The following LRRIQ3 variants were observed in gnomAD, a reference collection of about 807,000 sequenced individuals.
LRRIQ3 encodes leucine rich repeats and IQ motif containing 3.
LRRIQ3 carries 75 observed loss-of-function variants against 59.3 expected under a neutral mutation model. The observed-to-expected ratio is 1.26, with a 90% confidence interval of 1.05 to 1.53. The LOEUF (loss-of-function observed/expected upper bound fraction) is 1.53. Ranked by LOEUF, LRRIQ3 falls within the 40% of genes most tolerant of loss-of-function variation. The pLI, the probability that LRRIQ3 is intolerant of heterozygous loss-of-function variation, is 0.00. For synonymous variants in LRRIQ3, 250 were observed against 231.3 expected, an observed-to-expected ratio of 1.08 and a Z score of -0.73; for missense variants, 831 against 710.0, an observed-to-expected ratio of 1.17 and a Z score of -1.94.
intron 6 of LRRIQ3, among the ~76,000 whole-genome samples, chr1:74,052,177 G>T (rs1403295874): frequency 3.3e-5 from 5 of 151,970 alleles, no homozygotes; most frequent in Non-Finnish European, 7.4e-5. Context: ...AGTTCCACCA[G>T]GACCGCGCTG....
At chr1:74,050,806 A>C (rs1654346810) in intron 6 of LRRIQ3, among the ~76,000 whole-genome samples, 1 of 152,214 alleles carries the variant, frequency 6.6e-6, no homozygotes, top group African/African-American at 2.4e-5. Context: ...TCTGTCACGT[A>C]CTGAGTTCTT....
At chr1:74,132,457 T>G (rs1403728905) in intron 4 of LRRIQ3, among the ~76,000 whole-genome samples, 1 of 152,028 alleles carries the variant, frequency 6.6e-6, no homozygotes, top group Non-Finnish European at 1.5e-5. Flanking sequence ...CTACCTGACT[T>G]CAAACTACAC....
chr1:74,054,741 T>A (rs1654471442), intron 6 of LRRIQ3, among the ~76,000 whole-genome samples: 2 of 142,100 alleles, frequency 1.4e-5, no homozygotes, highest in Admixed American at 7.1e-5. Context: ...AAAACACAAA[T>A]ATATATATAT....
chr1:74,047,347 T>C (rs1353746938), intron 6 of LRRIQ3, among the ~76,000 whole-genome samples: 1 of 151,998 alleles, frequency 6.6e-6, no homozygotes, highest in Non-Finnish European at 1.5e-5. Flanking sequence ...CAAGAATAGA[T>C]AACCAAACAC....
intron 3 of LRRIQ3, among the ~76,000 whole-genome samples, chr1:74,178,344 C>A (rs1363766166): frequency 6.6e-6 from 1 of 151,764 alleles, no homozygotes; most frequent in African/African-American, 2.4e-5. Context: ...TGGTTTTTTT[C>A]ATATAGACTG....
intron 1 of LRRIQ3, among the ~76,000 whole-genome samples, chr1:74,196,517 C>CA (rs1651143539): frequency 6.6e-6 from 1 of 152,130 alleles, no homozygotes; most frequent in African/African-American, 2.4e-5. Flanking sequence ...CATACACACA[C>CA]AAACTTCCAT....
At chr1:74,093,310 A>T (rs560571137) in intron 5 of LRRIQ3, among the ~76,000 whole-genome samples, 119 of 152,186 alleles carry the variant, frequency 7.8e-4, no homozygotes, top group African/African-American at 2.6e-3. Flanking sequence ...GGGAAAATAT[A>T]GGAGATTTTT....
intron 4 of LRRIQ3, among the ~76,000 whole-genome samples, chr1:74,129,440 T>C (rs747830685): frequency 2.0e-5 from 3 of 152,032 alleles, no homozygotes; most frequent in African/African-American, 7.2e-5. Flanking sequence ...TTTAGTTAGC[T>C]TGTGGTAAAT....
chr1:74,162,442 T>C (rs1196868704), intron 3 of LRRIQ3, among the ~76,000 whole-genome samples: 8 of 151,774 alleles, frequency 5.3e-5, no homozygotes, highest in African/African-American at 7.2e-5. Flanking sequence ...GGTAGAATAA[T>C]AGAAATTCTA....
intron 7 of LRRIQ3, among the ~76,000 whole-genome samples, chr1:74,037,455 T>C (rs1382286037): frequency 2.6e-5 from 4 of 152,026 alleles, no homozygotes; most frequent in Non-Finnish European, 5.9e-5. Flanking sequence ...CTGGCCAACG[T>C]GGTGAAACCT....
At chr1:74,050,793 ACTT>A (rs1262188692) in intron 6 of LRRIQ3, among the ~76,000 whole-genome samples, 1 of 152,166 alleles carries the variant, frequency 6.6e-6, no homozygotes, top group African/African-American at 2.4e-5. Context: ...AGTGGCATAA[ACTT>A]CTGTCACGTA....
chr1:74,134,642 T>G (rs1437840361), intron 4 of LRRIQ3, among the ~76,000 whole-genome samples: 1 of 151,880 alleles, frequency 6.6e-6, no homozygotes, highest in East Asian at 1.9e-4. Context: ...TAAGTTTTAC[T>G]GGAGCAAAGT....
chr1:74,038,424 TC>T (rs902271946), intron 7 of LRRIQ3, among the ~76,000 whole-genome samples: 3 of 151,950 alleles, frequency 2.0e-5, no homozygotes, highest in Non-Finnish European at 2.9e-5. Context: ...CAAGTGGGTT[TC>T]CCCCCCAGCA....
At chr1:74,066,101 A>T (rs1654858101) in intron 6 of LRRIQ3, among the ~76,000 whole-genome samples, 1 of 151,214 alleles carries the variant, frequency 6.6e-6, no homozygotes, top group Non-Finnish European at 1.5e-5. Flanking sequence ...CTGGAGAATC[A>T]CTTGAACCCG....
chr1:74,094,712 T>C (rs1057455392), intron 5 of LRRIQ3, among the ~76,000 whole-genome samples: 7 of 152,058 alleles, frequency 4.6e-5, no homozygotes, highest in Admixed American at 4.6e-4. Flanking sequence ...CAGCTAAAAT[T>C]TGGGGATGCT....
chr1:74,170,161 T>C lies in LRRIQ3; in HGVS notation c.573+12377A>G, dbSNP rs905864610. 7.9e-5 allele frequency among the ~76,000 whole-genome samples: 12 copies of C among 152,208 alleles called. 1 individual carries two copies. The highest frequency in any genetic ancestry group is 2.9e-4 in the African/African-American group (12 of 41,464). ...ACTCTGTTGATTGTTTCCCTTGCTG[T>C]GTAGCAGCTTTTTAGTTTGATGTAG... On this transcript the variant is annotated intron_variant, in intron 3 of 7. Transcript: ENST00000354431.
chr1:74,041,952 A>T lies in LRRIQ3; in HGVS notation c.998-19T>A. ...TCCTGACCTACATCAAACAGAAGCA[A>T]ATATTATACATTATACAAGAGCTAA... On this transcript the variant is annotated intron_variant, in intron 6 of 7. Transcript: ENST00000354431. 6.4e-7 allele frequency: 1 copy of T among 1,560,294 alleles called. No individual in the cohort carries two copies. Among genetic ancestry groups the T allele is most frequent in the East Asian group, 2.3e-5 (1 of 44,336 alleles).
At chr1:74,127,880 C>T (rs2100602256) in intron 4 of LRRIQ3, among the ~76,000 whole-genome samples, 1 of 152,030 alleles carries the variant, frequency 6.6e-6, no homozygotes, top group Admixed American at 6.6e-5. Flanking sequence ...TTGAAGTACT[C>T]CTTTTAGCAG....
At chr1:74,173,180 C>A (rs1205776380) in intron 3 of LRRIQ3, among the ~76,000 whole-genome samples, 1 of 151,488 alleles carries the variant, frequency 6.6e-6, no homozygotes, top group African/African-American at 2.4e-5. Context: ...ACCTATAGTT[C>A]CAGCTACTTG....
Sources: gnomAD v4.1 joint callset for allele counts (sites outside exome capture counted in the v4.1 genomes callset) on GRCh38, gnomAD v4.1.1 for gene constraint, MANE v1.5 for transcripts, NCBI Gene and HGNC (gene_info 2026-07-23, HGNC 2026-07-21) for gene names.